Variants in AIG1 observed in about 807,000 individuals in gnomAD.
The protein encoded by AIG1 is androgen-induced gene 1 protein.
Under a neutral mutation model 31.4 loss-of-function variants are expected in AIG1, and 23 were observed. That is an observed-to-expected ratio of 0.73 (90% confidence interval 0.53 to 1.04). The LOEUF is 1.04. Among genes scored for constraint, AIG1 ranks in the 50% least tolerant of loss-of-function variants. AIG1 has a pLI of 0.00. For synonymous variants in AIG1, 100 were observed against 110.5 expected, an observed-to-expected ratio of 0.90 and a Z score of 0.60; for missense variants, 274 against 295.0, an observed-to-expected ratio of 0.93 and a Z score of 0.52.
At chr6:143,308,976 A>G (rs1775035359) in intron 4 of AIG1, among the ~76,000 whole-genome samples, 1 of 152,022 alleles carries the variant, frequency 6.6e-6, no homozygotes, top group African/African-American at 2.4e-5. Context: ...AAAAACTACA[A>G]ATACCAAAGC....
At chr6:143,080,039 C>A (rs1024636095) in intron 1 of AIG1, among the ~76,000 whole-genome samples, 1 of 152,062 alleles carries the variant, frequency 6.6e-6, no homozygotes, top group Non-Finnish European at 1.5e-5. Context: ...GTTACAAGCC[C>A]TGTGTTTAAA....
chr6:143,338,317 T>C lies in AIG1; in HGVS notation c.680-1322T>C. The C allele has an allele frequency of 3.5e-6, 1 of 287,704 alleles. No homozygotes were observed. Among genetic ancestry groups the C allele is most frequent in the Non-Finnish European group, 6.4e-6 (1 of 156,420 alleles). The allele number at this position is 287,704 out of a possible 1,614,324, so 17.8% of individuals were successfully genotyped here. On this transcript the variant is annotated intron_variant, in intron 5 of 5. Transcript: ENST00000357847. This position sits in a 1 kb window ranked among gnomAD's most constrained non-coding sequence, Gnocchi z 4.3. ...CTGTTCCTCCTCCCGTCAGATGTCC[T>C]TACTCCTCAATTTGAAGTTTTCCTT...
intron 3 of AIG1, among the ~76,000 whole-genome samples, chr6:143,224,579 T>C (rs1480730072): frequency 6.6e-6 from 1 of 152,218 alleles, no homozygotes; most frequent in African/African-American, 2.4e-5. Context: ...ATGTGGCTAT[T>C]GTTAATAATT....
chr6:143,277,217 A>G (rs533520613), intron 3 of AIG1, among the ~76,000 whole-genome samples: 37 of 152,142 alleles, frequency 2.4e-4, no homozygotes, highest in East Asian at 5.8e-4. Context: ...CTTTTGTTCT[A>G]TGGGGGGGTG....
intron 1 of AIG1, among the ~76,000 whole-genome samples, chr6:143,070,769 C>T (rs1777167295): frequency 6.6e-6 from 1 of 152,206 alleles, no homozygotes; most frequent in African/African-American, 2.4e-5. Flanking sequence ...GACTCAATCA[C>T]CTCTTAAAAG....
chr6:143,103,501 C>CTTTTTTT (rs1173435325), intron 1 of AIG1, among the ~76,000 whole-genome samples: 6 of 84,214 alleles, frequency 7.1e-5, no homozygotes, highest in African/African-American at 9.3e-5. Context: ...CAGAAGTTTT[C>CTTTTTTT]TTTTTTTTTT....
chr6:143,248,239 G>C (rs977384862), intron 3 of AIG1, among the ~76,000 whole-genome samples: 3 of 152,176 alleles, frequency 2.0e-5, no homozygotes, highest in Non-Finnish European at 2.9e-5. Context: ...TTAAAAACAA[G>C]GGAGGATATT....
At chr6:143,266,748 A>G (rs1015408102) in intron 3 of AIG1, among the ~76,000 whole-genome samples, 3 of 152,038 alleles carry the variant, frequency 2.0e-5, no homozygotes, top group African/African-American at 7.2e-5. Context: ...GTTTGAGATC[A>G]GCTTGGGCAA....
intron 1 of AIG1, among the ~76,000 whole-genome samples, chr6:143,072,195 C>A (rs1777353921): frequency 6.6e-6 from 1 of 152,162 alleles, no homozygotes; most frequent in South Asian, 2.1e-4. Context: ...ACAAATAGTA[C>A]TGTTTTGTTA....
intron 1 of AIG1, among the ~76,000 whole-genome samples, chr6:143,118,605 A>G (rs1781952778): frequency 6.6e-6 from 1 of 152,228 alleles, no homozygotes; most frequent in Non-Finnish European, 1.5e-5. Flanking sequence ...ATGTTTGTTC[A>G]GCCATGCTTT....
intron 1 of AIG1, among the ~76,000 whole-genome samples, chr6:143,106,240 T>C (rs1480695859): frequency 1.3e-5 from 2 of 152,136 alleles, no homozygotes; most frequent in Non-Finnish European, 2.9e-5. Flanking sequence ...GGAGTGATGC[T>C]TCTACAAGCC....
intron 1 of AIG1, among the ~76,000 whole-genome samples, chr6:143,124,144 C>T (rs1338571268): frequency 6.6e-6 from 1 of 152,180 alleles, no homozygotes; most frequent in African/African-American, 2.4e-5. Flanking sequence ...TTCCAAATCA[C>T]CCTTCAACAC....
chr6:143,222,648 G>A (rs1792620572), intron 3 of AIG1, among the ~76,000 whole-genome samples: 1 of 152,136 alleles, frequency 6.6e-6, no homozygotes, highest in Non-Finnish European at 1.5e-5. Context: ...TTTATAGAAG[G>A]ACAATACTCA....
intron 1 of AIG1, among the ~76,000 whole-genome samples, chr6:143,116,146 C>T (rs373940062): frequency 6.6e-6 from 1 of 152,064 alleles, no homozygotes; most frequent in Non-Finnish European, 1.5e-5. Flanking sequence ...GTGCTGTTCC[C>T]GTAAGACATG....
intron 3 of AIG1, among the ~76,000 whole-genome samples, chr6:143,217,033 T>C (rs1792083199): frequency 6.6e-6 from 1 of 152,268 alleles, no homozygotes; most frequent in Non-Finnish European, 1.5e-5. Context: ...AGTAGTATTC[T>C]TCATTACACA....
chr6:143,195,674 C>A lies in AIG1; in HGVS notation c.399+30491C>A, dbSNP rs138906270. ...CACAGGGAAGCTGGGAGGGAGCCCT[C>A]GCCAGGGAGGGAGAATATCTTAGGG... On this transcript the variant is annotated intron_variant, in intron 3 of 5. Coordinates refer to ENST00000357847, the MANE Select transcript of AIG1 (RefSeq NM_016108.4). Among the ~76,000 whole-genome samples, 48 of 151,036 alleles carry A rather than the reference C, an allele frequency of 3.2e-4. 1 individual carries two copies. The East Asian group carries it at 5.2e-3, about 16-fold the overall frequency.
chr6:143,163,635 A>C (rs983760623), intron 2 of AIG1, among the ~76,000 whole-genome samples: 2 of 152,064 alleles, frequency 1.3e-5, no homozygotes, highest in African/African-American at 4.8e-5. Flanking sequence ...TAAATATTTT[A>C]TGGACTTCCT....
Position 143,091,636 on chromosome 6 carries a change from G to A in AIG1, c.141+30570G>A, listed in dbSNP as rs535003134. On this transcript the variant is annotated intron_variant, in intron 1 of 5. Transcript: ENST00000357847. ...ACAAAATATTGTTAGTCTCATAGAT[G>A]CACATCAATGAAAGACAGTAGGTTG... Among the ~76,000 whole-genome samples, 11 of 152,272 alleles carry A rather than the reference G, an allele frequency of 7.2e-5. No individual in the cohort carries two copies. The East Asian group carries it at 1.7e-3, about 24-fold the overall frequency.
intron 1 of AIG1, chr6:143,061,293 T>G: frequency 9.2e-6 from 6 of 649,298 alleles, no homozygotes; most frequent in East Asian, 3.3e-5. Flanking sequence ...TGGGTACCCT[T>G]ACCTGGCAAC....
Sources: allele counts gnomAD v4.1 joint callset (sites outside exome capture counted in the v4.1 genomes callset), GRCh38; gene constraint gnomAD v4.1.1; non-coding constraint Gnocchi (gnomAD v3.1); transcripts MANE v1.5; gene names NCBI Gene and HGNC (gene_info 2026-07-23, HGNC 2026-07-21).